Variants in KIAA0586 observed in about 807,000 individuals in gnomAD.
KIAA0586 encodes the protein KIAA0586.
Under a neutral mutation model 169.8 loss-of-function variants are expected in KIAA0586, and 144 were observed. That is an observed-to-expected ratio of 0.85 (90% CI 0.74 to 0.97). The LOEUF is 0.97. Among genes scored for constraint, KIAA0586 ranks in the 50% least tolerant of loss-of-function variants. KIAA0586 has a pLI of 0.00. For synonymous variants in KIAA0586, 625 were observed against 612.4 expected (o/e 1.02, Z -0.30); for missense variants, 1,854 against 1,823.0 (o/e 1.02, Z -0.31).
the KIAA0586 span, among the ~76,000 whole-genome samples, chr14:58,560,831 A>T: frequency 6.6e-6 from 1 of 152,164 alleles, no homozygotes; most frequent in Non-Finnish European, 1.5e-5. Context: ...TAATTTTTTG[A>T]GGCAATAATC....
intron 19 of KIAA0586, among the ~76,000 whole-genome samples, chr14:58,476,256 A>T (rs1379873161): frequency 6.6e-6 from 1 of 152,182 alleles, no homozygotes. Context: ...ATGAACACCT[A>T]TTATTTATAT....
intron 6 of KIAA0586, among the ~76,000 whole-genome samples, chr14:58,446,081 G>A (rs1157601439): frequency 1.3e-5 from 2 of 150,992 alleles, no homozygotes; most frequent in Non-Finnish European, 3.0e-5. Context: ...TGTTGGCCAG[G>A]TTGGTCTCAA....
chr14:58,484,297 T>G (rs1267190025), intron 21 of KIAA0586, among the ~76,000 whole-genome samples: 1 of 152,218 alleles, frequency 6.6e-6, no homozygotes, highest in Non-Finnish European at 1.5e-5. Flanking sequence ...AGAAGTGTCA[T>G]GGCTTTTCTT....
chr14:58,522,378 A>G (rs1452461447), intron 29 of KIAA0586, among the ~76,000 whole-genome samples: 1 of 152,212 alleles, frequency 6.6e-6, no homozygotes, highest in African/African-American at 2.4e-5. Flanking sequence ...AATCTCCTTT[A>G]GTTGAGTAGC....
At chr14:58,472,939 A>G (rs2041337586) in intron 18 of KIAA0586, among the ~76,000 whole-genome samples, 1 of 140,672 alleles carries the variant, frequency 7.1e-6, no homozygotes, top group Admixed American at 7.8e-5. Flanking sequence ...TTATTCGCTC[A>G]CAGATATGTC....
rs749057136 is a variant in KIAA0586, at chr14:58,444,030, T to C, written c.662T>C (p.Leu221Pro). ...AAATTACAGGAGACTGATAAACACC[T>C]GCAACGTGTTACAGAGCAGCAAACA... ...LSKLQETDKH[L>P]QRVTEQQTSI... The change falls in exon 6 of 31, where the codon CTG (leucine) becomes CCG (proline). Residue 221 changes from leucine (L) to proline (P), a missense_variant. Physicochemically the swap from Leu to Pro is moderately conservative, Grantham distance 98 (BLOSUM62 -3). Transcript: ENST00000652326. The C allele has an allele frequency of 6.2e-7, 1 of 1,612,346 alleles. No individual in the cohort carries two copies. Among genetic ancestry groups the C allele is most frequent in the Admixed American group, 1.7e-5 (1 of 59,784 alleles).
At chr14:58,495,428 A>G (rs556849221) in intron 26 of KIAA0586, among the ~76,000 whole-genome samples, 2 of 151,992 alleles carry the variant, frequency 1.3e-5, no homozygotes, top group South Asian at 4.2e-4. Flanking sequence ...CAGCCCCCAG[A>G]GTAGCTGGGA....
chr14:58,545,246 T>A (rs186081583), intron 30 of KIAA0586, among the ~76,000 whole-genome samples: 1 of 152,220 alleles, frequency 6.6e-6, no homozygotes, highest in African/African-American at 2.4e-5. Flanking sequence ...AAAATTTGAA[T>A]TGTTATACAA....
Position 58,465,799 on chromosome 14 carries a change from A to G in KIAA0586, c.2060-36A>G, listed in dbSNP as rs760019127. The G allele has an allele frequency of 7.8e-6, 10 of 1,290,110 alleles. No individual in the cohort carries two copies. The African/African-American group carries it at 1.3e-4, about 17-fold the overall frequency. The allele number at this position is 1,290,110 out of a possible 1,614,324, so 79.9% of individuals were successfully genotyped here. ...TGTCTGGATAGTAGATATTCTAACA[A>G]TATTTTAAAATATCTGCCATTGGTG... On this transcript the variant is annotated intron_variant, in intron 14 of 30. Transcript: ENST00000652326.
chr14:58,500,677 C>T (rs2043501420), intron 27 of KIAA0586, among the ~76,000 whole-genome samples: 2 of 150,450 alleles, frequency 1.3e-5, no homozygotes, highest in South Asian at 2.1e-4. Context: ...GCCGAAATCA[C>T]GCCACTGCAC....
chr14:58,456,178 G>A (rs1021573803), intron 9 of KIAA0586, among the ~76,000 whole-genome samples: 1 of 152,152 alleles, frequency 6.6e-6, no homozygotes, highest in Middle Eastern at 3.4e-3. Flanking sequence ...GTTGGTTTTC[G>A]AGGCCGCCAC....
intron 4 of KIAA0586, among the ~76,000 whole-genome samples, chr14:58,433,754 G>C (rs548040283): frequency 6.6e-6 from 1 of 152,304 alleles, no homozygotes; most frequent in Non-Finnish European, 1.5e-5. Flanking sequence ...GGTGGCTCAT[G>C]CCTGTAGTCC....
downstream of KIAA0586, among the ~76,000 whole-genome samples, chr14:58,553,786 A>C (rs1435153775): frequency 1.3e-5 from 2 of 152,222 alleles, no homozygotes; most frequent in African/African-American, 4.8e-5. Flanking sequence ...GCTCATTCCA[A>C]TAACGTTCTA....
At chr14:58,474,518 T>C in intron 18 of KIAA0586, 89 bp from the exon 19 acceptor site, 1 of 825,464 alleles carries the variant, frequency 1.2e-6, no homozygotes, top group South Asian at 2.1e-5. Context: ...AAGGGTTTCT[T>C]AATTCACCTA....
chr14:58,471,681 G>T (rs2041223555), intron 17 of KIAA0586, among the ~76,000 whole-genome samples: 1 of 151,928 alleles, frequency 6.6e-6, no homozygotes, highest in African/African-American at 2.4e-5. Context: ...TGAAACTTCT[G>T]TGATAACAAG....
chr14:58,520,680 G>A (rs553518658), intron 29 of KIAA0586, among the ~76,000 whole-genome samples: 14 of 151,836 alleles, frequency 9.2e-5, no homozygotes, highest in Non-Finnish European at 1.8e-4. Context: ...GTGCCACCAT[G>A]CCCGGCTAAT....
In KIAA0586 at chr14:58,496,560, G is replaced by A. The variant is rs533065144; in HGVS notation, c.3991-2223G>A. On this transcript the variant is annotated intron_variant, in intron 26 of 30. Coordinates refer to ENST00000652326, the MANE Select transcript of KIAA0586 (RefSeq NM_001329943.3). ...AGTATTTTTTAATTTAAAGGATGTT[G>A]AGGCAATCAGTATTCCTAAAGAAGA... 4.6e-5 allele frequency among the ~76,000 whole-genome samples: 7 copies of A among 152,284 alleles called. 1 individual carries two copies. The highest frequency in any genetic ancestry group is 4.6e-4 in the Admixed American group (7 of 15,300).
intron 29 of KIAA0586, among the ~76,000 whole-genome samples, chr14:58,513,223 A>G (rs986932483): frequency 3.9e-5 from 6 of 151,988 alleles, no homozygotes; most frequent in African/African-American, 9.7e-5. Context: ...TACATTTTCT[A>G]TAACCTAAAA....
At chr14:58,437,309 C>T (rs1260423941) in intron 4 of KIAA0586, among the ~76,000 whole-genome samples, 1 of 152,160 alleles carries the variant, frequency 6.6e-6, no homozygotes, top group Non-Finnish European at 1.5e-5. Flanking sequence ...AGTAGTATTA[C>T]TCATTGAGAA....
Sources: gnomAD v4.1 joint callset for allele counts (sites outside exome capture counted in the v4.1 genomes callset) on GRCh38, gnomAD v4.1.1 for gene constraint, MANE v1.5 for transcripts, NCBI Gene and HGNC (gene_info 2026-07-23, HGNC 2026-07-21) for gene names.